ARFGEF2: variants seen among roughly 807,000 people sequenced by gnomAD.
ARFGEF2 encodes the protein ARF guanine nucleotide exchange factor 2, also known as brefeldin A-inhibited guanine nucleotide-exchange protein 2.
ARFGEF2 carries 74 observed loss-of-function variants against 219.9 expected under a neutral mutation model. The observed-to-expected ratio is 0.34, with a 90% confidence interval of 0.28 to 0.41. The LOEUF is 0.41. ARFGEF2 is among the 10% of genes least tolerant of loss of function. ARFGEF2 has a pLI of 1.00. For synonymous variants in ARFGEF2, 733 were observed against 799.2 expected, an observed-to-expected ratio of 0.92 and a Z score of 1.40; for missense variants, 1,743 against 2,218.3, an observed-to-expected ratio of 0.79 and a Z score of 4.30.
intron 1 of ARFGEF2, among the ~76,000 whole-genome samples, chr20:48,937,853 A>G (rs2090968354): frequency 1.3e-5 from 2 of 152,146 alleles, no homozygotes; most frequent in African/African-American, 4.8e-5. Flanking sequence ...CAGGCCAGAA[A>G]CAGACTTTGG....
intron 26 of ARFGEF2, among the ~76,000 whole-genome samples, chr20:49,008,707 GT>G (rs796608906): frequency 2.6e-3 from 343 of 132,444 alleles, no homozygotes; most frequent in African/African-American, 4.8e-3. Context: ...TCATGTAAAG[GT>G]TTTTTTTTTT....
At chr20:48,957,761 T>A (rs1335438744) in intron 6 of ARFGEF2, among the ~76,000 whole-genome samples, 1 of 152,180 alleles carries the variant, frequency 6.6e-6, no homozygotes, top group Non-Finnish European at 1.5e-5. Flanking sequence ...GGGCCTCTAC[T>A]GGGATTTTTC....
chr20:48,941,302 C>T, intron 2 of ARFGEF2, 73 bp downstream of exon 2: 1 of 1,491,162 alleles, frequency 6.7e-7, no homozygotes, highest in South Asian at 1.2e-5. Context: ...GAGCCTCTTT[C>T]TCTGCTTGGT....
At chr20:48,949,128 G>A (rs2091049316) in intron 3 of ARFGEF2, among the ~76,000 whole-genome samples, 1 of 152,200 alleles carries the variant, frequency 6.6e-6, no homozygotes. Context: ...ACAGATGAGG[G>A]GGGAAGTCAT....
Position 48,951,466 on chromosome 20 carries a change from T to A in ARFGEF2, c.420T>A (p.Ile140=). 1 of 1,614,140 alleles carries A rather than the reference T, an allele frequency of 6.2e-7. No individual in the cohort carries two copies. The highest frequency in any genetic ancestry group is 8.5e-7 in the Non-Finnish European group (1 of 1,180,014). The change falls in exon 4 of 39, where the codon ATT becomes ATA. Residue 140 remains isoleucine (I), a synonymous_variant. Transcript: ENST00000371917. ...QTDEGVQLQI[I]KALLTAVTSP... ...ATGAAGGGGTTCAGTTACAAATAAT[T>A]AAGGTATGCCTATTTGTTTGCCTGT... is the stretch of plus-strand genomic sequence containing the variant.
intron 6 of ARFGEF2, among the ~76,000 whole-genome samples, chr20:48,956,860 G>C (rs538973582): frequency 6.6e-6 from 1 of 152,168 alleles, no homozygotes; most frequent in African/African-American, 2.4e-5. Flanking sequence ...GATTACAGGC[G>C]TGAGCCACCA....
At chr20:48,989,039 AGCCACACT>A (rs2091342494) in intron 18 of ARFGEF2, among the ~76,000 whole-genome samples, 1 of 152,146 alleles carries the variant, frequency 6.6e-6, no homozygotes, top group Non-Finnish European at 1.5e-5. Flanking sequence ...GTGGCTCTAG[AGCCACACT>A]GCCTTAGATC....
intron 1 of ARFGEF2, among the ~76,000 whole-genome samples, chr20:48,940,248 G>A (rs1019167480): frequency 5.3e-5 from 8 of 152,122 alleles, no homozygotes; most frequent in African/African-American, 1.9e-4. Flanking sequence ...AAAGTCACAC[G>A]TGCCTTAGCA....
intron 21 of ARFGEF2, among the ~76,000 whole-genome samples, chr20:48,992,699 C>T (rs942436156): frequency 6.6e-6 from 1 of 152,194 alleles, no homozygotes; most frequent in Non-Finnish European, 1.5e-5. Flanking sequence ...TGCTCCTCTT[C>T]ACCAGCCTTT....
intron 25 of ARFGEF2, among the ~76,000 whole-genome samples, chr20:49,003,359 C>T (rs961085560): frequency 1.3e-5 from 2 of 151,340 alleles, no homozygotes; most frequent in African/African-American, 4.9e-5. Context: ...AATCCCAGCA[C>T]TTTGGGAGGC....
intron 25 of ARFGEF2, among the ~76,000 whole-genome samples, chr20:49,004,390 A>G (rs1320118081): frequency 2.0e-5 from 3 of 152,114 alleles, no homozygotes; most frequent in Non-Finnish European, 4.4e-5. Context: ...GTATGAATGT[A>G]TACTACTGAA....
chr20:48,999,105 G>C, intron 25 of ARFGEF2: 2 of 334,436 alleles, frequency 6.0e-6, no homozygotes, highest in Middle Eastern at 1.1e-3. Context: ...GGGCGTGGTG[G>C]TGTGCACCTG....
chr20:48,951,940 C>T (rs1398039586), intron 4 of ARFGEF2, among the ~76,000 whole-genome samples: 5 of 152,054 alleles, frequency 3.3e-5, no homozygotes, highest in Non-Finnish European at 7.4e-5. Context: ...AAAGTATTAA[C>T]ATTATGAGGG....
intron 26 of ARFGEF2, among the ~76,000 whole-genome samples, chr20:49,006,877 G>GTTT (rs763801014): frequency 5.4e-5 from 8 of 147,022 alleles, no homozygotes; most frequent in Non-Finnish European, 6.0e-5. Flanking sequence ...GCCGTTGGAG[G>GTTT]TTTTTGTTTT....
intron 37 of ARFGEF2, among the ~76,000 whole-genome samples, chr20:49,031,542 T>C (rs1443159804): frequency 6.6e-6 from 1 of 152,078 alleles, no homozygotes; most frequent in Admixed American, 6.6e-5. Flanking sequence ...CAATTTTTTA[T>C]CTCCATTTTA....
intron 5 of ARFGEF2, among the ~76,000 whole-genome samples, chr20:48,953,327 C>T (rs2091083375): frequency 6.6e-6 from 1 of 151,928 alleles, no homozygotes; most frequent in Non-Finnish European, 1.5e-5. Flanking sequence ...AGGCATGTGC[C>T]ACCACACCCA....
intron 1 of ARFGEF2, among the ~76,000 whole-genome samples, chr20:48,931,507 T>TA (rs1198654863): frequency 2.0e-5 from 3 of 151,920 alleles, no homozygotes; most frequent in East Asian, 1.9e-4. Context: ...TGATAAATAC[T>TA]AAAAAAAGAC....
intron 31 of ARFGEF2, 36 bp from the exon 32 acceptor site, chr20:49,017,213 T>C (rs771997874): frequency 1.2e-6 from 2 of 1,610,842 alleles, no homozygotes; most frequent in South Asian, 1.1e-5. Context: ...AAAATAGCAG[T>C]AGAAGTTTAA....
chr20:48,931,506 C>CT (rs2090913086), intron 1 of ARFGEF2, among the ~76,000 whole-genome samples: 1 of 151,768 alleles, frequency 6.6e-6, no homozygotes, highest in Non-Finnish European at 1.5e-5. Flanking sequence ...GTGATAAATA[C>CT]TAAAAAAAGA....
Sources: allele counts gnomAD v4.1 joint callset (sites outside exome capture counted in the v4.1 genomes callset), GRCh38; gene constraint gnomAD v4.1.1; transcripts MANE v1.5; gene names NCBI Gene and HGNC (gene_info 2026-07-23, HGNC 2026-07-21).